Variants in CELF2 observed in about 807,000 individuals in gnomAD.
CELF2 encodes CUGBP Elav-like family member 2, also known as CUG triplet repeat RNA-binding protein 2.
A neutral mutation model predicts 62.6 loss-of-function variants in CELF2; 8 were observed. The ratio of observed to expected loss-of-function variants is 0.13; its 90% confidence interval spans 0.07 to 0.23. CELF2 has a LOEUF of 0.23. Among genes scored for constraint, CELF2 ranks in the 10% least tolerant of loss-of-function variants. The probability of loss-of-function intolerance (pLI) is 1.00; values close to 1 mark genes in which losing one functional copy is unlikely to be tolerated. For missense variants in CELF2, 333 were observed against 671.0 expected, an observed-to-expected ratio of 0.50 and a Z score of 5.56; for synonymous variants, 258 against 250.0, an observed-to-expected ratio of 1.03 and a Z score of -0.30.
At chr10:11,183,064 A>G (rs1442246193) in intron 2 of CELF2, among the ~76,000 whole-genome samples, 1 of 152,238 alleles carries the variant, frequency 6.6e-6, no homozygotes. Context: ...AACCATCACA[A>G]CAATCAAAAT....
intron 1 of CELF2, among the ~76,000 whole-genome samples, chr10:10,813,219 G>A (rs1434956312): frequency 1.3e-5 from 2 of 152,198 alleles, no homozygotes; most frequent in Non-Finnish European, 2.9e-5. Flanking sequence ...ATGTAAATCA[G>A]CTGTTCAGGG....
intron 3 of CELF2, among the ~76,000 whole-genome samples, chr10:11,230,561 A>G (rs1388753362): frequency 6.6e-6 from 1 of 152,184 alleles, no homozygotes. Context: ...GACATTCTGA[A>G]GGTGGGGTGG....
chr10:10,518,795 C>T, the CELF2 span, among the ~76,000 whole-genome samples: 1 of 151,962 alleles, frequency 6.6e-6, no homozygotes, highest in African/African-American at 2.4e-5. Flanking sequence ...ATTGGTGACC[C>T]AGCTTCCAAA....
intron 3 of CELF2, among the ~76,000 whole-genome samples, chr10:11,240,021 C>T (rs2073213280): frequency 6.6e-6 from 1 of 152,200 alleles, no homozygotes; most frequent in Admixed American, 6.5e-5. Context: ...CATTGCATTA[C>T]AGCCTGGGCA....
Position 11,145,211 on chromosome 10 carries a change from A to G in CELF2, c.75-20275A>G, listed in dbSNP as rs1249276170. Among the ~76,000 whole-genome samples, 3 of 152,234 alleles carry G rather than the reference A, an allele frequency of 2.0e-5. No homozygotes were observed. Among genetic ancestry groups the G allele is most frequent in the Non-Finnish European group, 4.4e-5 (3 of 68,046 alleles). ...AAAAAGCCCAGGCTAAAAATACAGA[A>G]CAGAACAAATGTAAAACACTGCTGC... On this transcript the variant is annotated intron_variant, in intron 1 of 12. Transcript: ENST00000633077. This position sits in a 1 kb window ranked among gnomAD's most constrained non-coding sequence, Gnocchi z 4.3.
the CELF2 span, among the ~76,000 whole-genome samples, chr10:10,684,164 GGAGTCAACAGAT>G: frequency 6.6e-6 from 1 of 152,172 alleles, no homozygotes; most frequent in African/African-American, 2.4e-5. Flanking sequence ...TATTTCAGTA[GGAGTCAACAGAT>G]GAGCAAACAT....
chr10:10,866,309 C>G (rs958071256), intron 1 of CELF2, among the ~76,000 whole-genome samples: 2 of 151,478 alleles, frequency 1.3e-5, no homozygotes, highest in Non-Finnish European at 2.9e-5. Flanking sequence ...TGAGGCTTTA[C>G]GAGTAAGAAA....
At chr10:10,707,286 A>G in the CELF2 span, among the ~76,000 whole-genome samples, 1 of 152,174 alleles carries the variant, frequency 6.6e-6, no homozygotes, top group Non-Finnish European at 1.5e-5. Flanking sequence ...TATATCCTCA[A>G]TCTCCAGATA....
chr10:10,496,902 A>G, the CELF2 span, among the ~76,000 whole-genome samples: 5 of 152,072 alleles, frequency 3.3e-5, no homozygotes, highest in African/African-American at 7.2e-5. Context: ...TAAAAACAAG[A>G]TGACCAGCTA....
At chr10:11,254,676 G>A (rs899347013) in intron 4 of CELF2, among the ~76,000 whole-genome samples, 29 of 152,206 alleles carry the variant, frequency 1.9e-4, no homozygotes, top group African/African-American at 6.8e-4. Flanking sequence ...TATAGGTTTA[G>A]CAGTGAAACC....
chr10:11,180,928 G>A (rs1331514538), intron 2 of CELF2, among the ~76,000 whole-genome samples: 1 of 152,210 alleles, frequency 6.6e-6, no homozygotes, highest in Non-Finnish European at 1.5e-5. Flanking sequence ...GGAGTGCAAT[G>A]ACGCGATCTC....
intron 2 of CELF2, among the ~76,000 whole-genome samples, chr10:11,206,987 A>C (rs1347121609): frequency 1.3e-5 from 2 of 152,236 alleles, no homozygotes; most frequent in South Asian, 2.1e-4. Context: ...AAAAAGGATG[A>C]TGCTGAAATT....
the CELF2 span, among the ~76,000 whole-genome samples, chr10:10,523,433 A>G: frequency 6.6e-6 from 1 of 152,192 alleles, no homozygotes; most frequent in African/African-American, 2.4e-5. Context: ...AACAGTCAGG[A>G]GGTGACCTGT....
the CELF2 span, among the ~76,000 whole-genome samples, chr10:10,493,531 G>T: frequency 0.063 from 1,451 of 23,086 alleles, 17 homozygotes; most frequent in African/African-American, 0.11. Flanking sequence ...TTTTTTTTTT[G>T]TTTGTTTCTT....
In CELF2 at chr10:10,849,926, A is replaced by G. The variant is rs372750662; in HGVS notation, c.53+51109A>G. On this transcript the variant is annotated intron_variant, in intron 1 of 13. Transcript: ENST00000636488. Reference sequence around the variant, plus strand: ...GGGAGGCCGAGGCAGGCAGATCACAAGGTCAGGAGTTTGAGACCAGCCTGG... The same window carrying G: ...GGGAGGCCGAGGCAGGCAGATCACAGGGTCAGGAGTTTGAGACCAGCCTGG... Among the ~76,000 whole-genome samples the G allele has an allele frequency of 7.2e-5, 11 of 152,110 alleles. No homozygotes were observed. The South Asian group carries it at 2.1e-3, about 29-fold the overall frequency.
At position 11,177,783 on chromosome 10, in the gene CELF2, A is replaced by C. The variant is rs1436196119; in HGVS notation, c.271+12101A>C. On this transcript the variant is annotated intron_variant, in intron 2 of 12. Transcript: ENST00000633077. This position sits in a 1 kb window ranked among gnomAD's most constrained non-coding sequence, Gnocchi z 4.8. ...CTTGTTGATTTGGGGTGAAGATGCC[A>C]TGAACTCAGGAGCGGGTGAGGAGGG... Among the ~76,000 whole-genome samples, 1 of 152,190 alleles carries C rather than the reference A, an allele frequency of 6.6e-6. No homozygotes were observed. Among genetic ancestry groups the C allele is most frequent in the East Asian group, 1.9e-4 (1 of 5,196 alleles).
chr10:10,500,031 A>G, the CELF2 span, among the ~76,000 whole-genome samples: 12 of 152,340 alleles, frequency 7.9e-5, no homozygotes, highest in Non-Finnish European at 1.2e-4. Flanking sequence ...AGAAACTGGA[A>G]CAGGAAACAG....
chr10:10,980,630 G>T (rs991806844), intron 2 of CELF2, among the ~76,000 whole-genome samples: 1 of 152,104 alleles, frequency 6.6e-6, no homozygotes, highest in Non-Finnish European at 1.5e-5. Flanking sequence ...CCACTAACTG[G>T]GATGCATTTC....
the CELF2 span, among the ~76,000 whole-genome samples, chr10:10,616,167 A>G: frequency 1.3e-5 from 2 of 152,066 alleles, no homozygotes; most frequent in African/African-American, 4.8e-5. Flanking sequence ...TTCTCCTAGG[A>G]GCAGTGGTTC....
Sources: allele counts gnomAD v4.1 joint callset (sites outside exome capture counted in the v4.1 genomes callset), GRCh38; gene constraint gnomAD v4.1.1; non-coding constraint Gnocchi (gnomAD v3.1); transcripts MANE v1.5; gene names NCBI Gene and HGNC (gene_info 2026-07-23, HGNC 2026-07-21).